CFAP46: variants seen among roughly 807,000 people sequenced by gnomAD.
The protein encoded by CFAP46 is cilia- and flagella-associated protein 46.
CFAP46 carries 245 observed loss-of-function variants against 325.7 expected under a neutral mutation model. The ratio of observed to expected loss-of-function variants is 0.75; its 90% CI spans 0.68 to 0.84. The LOEUF (loss-of-function observed/expected upper bound fraction) is 0.84, where lower values mean the gene tolerates loss of function less well. Among genes scored for constraint, CFAP46 ranks in the 40% least tolerant of loss-of-function variants. The pLI is 0.00. For missense variants in CFAP46, 3,346 were observed against 3,543.0 expected (o/e 0.94, Z 1.41); for synonymous variants, 1,523 against 1,495.9 (o/e 1.02, Z -0.42).
Position 132,836,150 on chromosome 10 carries a change from G to A in CFAP46, c.6605C>T (p.Ala2202Val), listed in dbSNP as rs542516581. The stretch of plus-strand genomic sequence containing the variant: ...CCTGCAGCCCTGCTCACCTCCCACC[G>A]CCTGCACCTTTCCTTTGGCTGCAGT... ...FITAAKGKVQ[A>V]VGGSCKVMRL... Residue 2202 changes from alanine (A) to valine (V), a missense_variant, in exon 46 of 58, where the codon GCG becomes GTG. By Grantham distance (64) the Ala-to-Val change is moderately conservative. Transcript: ENST00000368586. 5.3e-5 allele frequency: 84 copies of A among 1,574,904 alleles called. No homozygotes were observed. The highest frequency in any genetic ancestry group is 1.2e-4 in the Admixed American group (7 of 57,764).
At chr10:132,852,329 G>A (rs57507355) in intron 39 of CFAP46, among the ~76,000 whole-genome samples, 443 of 43,620 alleles carry the variant, frequency 0.01, no homozygotes, top group Middle Eastern at 0.024. Flanking sequence ...ATTTACTTAG[G>A]AATTCTCAGA....
At chr10:132,938,052 AGAGTGCCGCAGACAC>A (rs1422788904) in intron 5 of CFAP46, among the ~76,000 whole-genome samples, 1 of 152,178 alleles carries the variant, frequency 6.6e-6, no homozygotes, top group Admixed American at 6.5e-5. Context: ...GCCTGCACAG[AGAGTGCCGCAGACAC>A]AGAGAGGCTC....
chr10:132,874,783 G>A (rs550690405), intron 31 of CFAP46, among the ~76,000 whole-genome samples: 15 of 152,002 alleles, frequency 9.9e-5, no homozygotes, highest in Middle Eastern at 3.2e-3. Context: ...AATAAAGATC[G>A]ATAAAAACCT....
At chr10:132,824,390 T>C (rs1310770207) in intron 50 of CFAP46, among the ~76,000 whole-genome samples, 1 of 138,258 alleles carries the variant, frequency 7.2e-6, no homozygotes, top group Admixed American at 7.1e-5. Flanking sequence ...ATGTGTGCTG[T>C]GTGTGCTGAT....
At chr10:132,837,867 GCA>G (rs1173693280) in intron 44 of CFAP46, among the ~76,000 whole-genome samples, 5 of 136,284 alleles carry the variant, frequency 3.7e-5, no homozygotes, top group Admixed American at 1.5e-4. Flanking sequence ...GTACACAGAT[GCA>G]CACACACAGA....
At chr10:132,881,870 G>A (rs771005062) in intron 27 of CFAP46, among the ~76,000 whole-genome samples, 4 of 152,274 alleles carry the variant, frequency 2.6e-5, no homozygotes, top group Non-Finnish European at 5.9e-5. Flanking sequence ...TTCAGCCCAC[G>A]AATCTGCTGG....
intron 24 of CFAP46, among the ~76,000 whole-genome samples, chr10:132,896,453 C>T (rs1591078410): frequency 2.0e-5 from 3 of 152,218 alleles, no homozygotes; most frequent in Middle Eastern, 3.2e-3. Context: ...TTTGTTATGG[C>T]AGCCCAAGCT....
chr10:132,862,068 C>T (rs1039262929), intron 35 of CFAP46, among the ~76,000 whole-genome samples: 13 of 152,356 alleles, frequency 8.5e-5, no homozygotes, highest in East Asian at 7.7e-4. Context: ...TGGCTGTGAC[C>T]GCCAGACGGC....
At chr10:132,840,250 A>G (rs1201438471) in intron 44 of CFAP46, among the ~76,000 whole-genome samples, 1 of 152,196 alleles carries the variant, frequency 6.6e-6, no homozygotes, top group Non-Finnish European at 1.5e-5. Flanking sequence ...TATTGGAGTA[A>G]GGCTGTCAAG....
chr10:132,887,530 TCCTCTCC>T (rs368953274), intron 25 of CFAP46, among the ~76,000 whole-genome samples: 40 of 102,242 alleles, frequency 3.9e-4, no homozygotes, highest in East Asian at 1.4e-3. Context: ...CTCTCCTCTC[TCCTCTCC>T]CCTCTTCTCT....
At chr10:132,938,806 A>G (rs1157088028) in intron 4 of CFAP46, 53 bp from the exon 5 acceptor site, 3 of 1,568,344 alleles carry the variant, frequency 1.9e-6, no homozygotes, top group Non-Finnish European at 2.6e-6. Flanking sequence ...AGCCGGCCCA[A>G]GCTGCAGAAC....
chr10:132,810,960 C>G lies in CFAP46; in HGVS notation c.7573G>C (p.Glu2525Gln). 1 of 1,601,446 alleles carries G rather than the reference C, an allele frequency of 6.2e-7. No individual in the cohort carries two copies. The highest frequency in any genetic ancestry group is 8.5e-7 in the Non-Finnish European group (1 of 1,173,936). ...CAGGCAGCCAGGCACCTCCTGTGCT[C>G]CACGCTCTCCATGTGCCTCTTCAAG... Reference protein sequence around the residue: ...QSLKRHMESVEHRRSVGRWEA... With the variant: ...QSLKRHMESVQHRRSVGRWEA... Residue 2525 changes from glutamate to glutamine, a missense_variant, in exon 56 of 58, where the codon GAG becomes CAG. Coordinates refer to ENST00000368586, the MANE Select transcript of CFAP46 (RefSeq NM_001200049.3).
chr10:132,816,411 A>G (rs1425708721), intron 50 of CFAP46, among the ~76,000 whole-genome samples: 1 of 143,806 alleles, frequency 7.0e-6, no homozygotes. Context: ...GGCTCACTGC[A>G]AGCTCCACCT....
Position 132,843,622 on chromosome 10 carries a change from CGGTG to C in CFAP46, c.6438+2431_6438+2434del, listed in dbSNP as rs1848382250. On this transcript the variant is annotated intron_variant, in intron 44 of 57. Coordinates refer to ENST00000368586, the MANE Select transcript of CFAP46 (RefSeq NM_001200049.3). ...CCAGGGTGCCATGGGGCTCTGGTCT[CGGTG>C]AGTGTTCCCAGGGTGCTGTGGGGCT... 5.2e-5 allele frequency among the ~76,000 whole-genome samples: 4 copies of C among 76,738 alleles called. 1 individual carries two copies. Among genetic ancestry groups the C allele is most frequent in the Non-Finnish European group, 1.2e-4 (4 of 33,576 alleles). The allele number at this position is 76,738 out of a possible 152,430, so 50.3% of individuals were successfully genotyped here.
chr10:132,820,735 A>G (rs11146531), intron 50 of CFAP46, among the ~76,000 whole-genome samples: 1,862 of 44,302 alleles, frequency 0.042, 102 homozygotes, highest in African/African-American at 0.089. Flanking sequence ...CTGTGTGTGC[A>G]CTGATGTGTG....
At chr10:132,845,998 T>TGG in intron 44 of CFAP46, 59 bp downstream of exon 44, 20 of 1,539,156 alleles carry the variant, frequency 1.3e-5, no homozygotes, top group Non-Finnish European at 1.7e-5. Context: ...GCGGCTGCAG[T>TGG]GTCTGTCCAC....
intron 9 of CFAP46, 189 bp downstream of exon 9, chr10:132,929,516 G>A (rs1591097147): frequency 7.7e-6 from 6 of 784,062 alleles, no homozygotes; most frequent in Non-Finnish European, 1.4e-5. Context: ...ACGGGCAGGT[G>A]TAAAATTGCA....
chr10:132,832,545 TTTTA>T lies in CFAP46; in HGVS notation c.7117+809_7117+812del, dbSNP rs1848167833. 2 of 330,980 alleles carry T rather than the reference TTTTA, an allele frequency of 6.0e-6. No individual in the cohort carries two copies. The highest frequency in any genetic ancestry group is 1.2e-5 in the Non-Finnish European group (2 of 164,580). The allele number at this position is 330,980 out of a possible 1,614,324, so 20.5% of individuals were successfully genotyped here. Reference sequence around the variant, plus strand: ...CTCATTTCATGTGCTTTTCTCTGGTTTTTATTTGTCTCAGCTGGAAGAACGAATC... The same window carrying T: ...CTCATTTCATGTGCTTTTCTCTGGTTTTTGTCTCAGCTGGAAGAACGAATC... On this transcript the variant is annotated intron_variant, in intron 50 of 57. Coordinates refer to ENST00000368586, the MANE Select transcript of CFAP46 (RefSeq NM_001200049.3). This position sits in a 1 kb window ranked among gnomAD's most constrained non-coding sequence, Gnocchi z 4.1.
At chr10:132,818,470 T>C (rs1847735821) in intron 50 of CFAP46, among the ~76,000 whole-genome samples, 1 of 151,896 alleles carries the variant, frequency 6.6e-6, no homozygotes. Context: ...GCACAAAGCT[T>C]TCACCTAAGA....
Sources: gnomAD v4.1 joint callset for allele counts (sites outside exome capture counted in the v4.1 genomes callset) on GRCh38, gnomAD v4.1.1 for gene constraint, Gnocchi (gnomAD v3.1) non-coding constraint, MANE v1.5 for transcripts, NCBI Gene and HGNC (gene_info 2026-07-23, HGNC 2026-07-21) for gene names.